Variants in PITPNM2 observed in about 807,000 individuals in gnomAD.
The protein encoded by PITPNM2 is phosphatidylinositol transfer protein membrane associated 2, also known as membrane-associated phosphatidylinositol transfer protein 2.
Under a neutral mutation model 132.2 loss-of-function variants are expected in PITPNM2, and 35 were observed. The ratio of observed to expected loss-of-function variants is 0.26; its 90% CI spans 0.20 to 0.35. PITPNM2 has a LOEUF of 0.35. Ranked by LOEUF, PITPNM2 falls within the 10% of genes least tolerant of loss-of-function variation. The probability of loss-of-function intolerance (pLI) is 1.00; values close to 1 mark genes in which losing one functional copy is unlikely to be tolerated. For missense variants in PITPNM2, 1,332 were observed against 1,912.0 expected (o/e 0.70, Z 5.66); for synonymous variants, 738 against 799.2 (o/e 0.92, Z 1.29).
intron 2 of PITPNM2, among the ~76,000 whole-genome samples, chr12:123,052,074 ATTGT>A (rs2040875089): frequency 3.7e-5 from 3 of 80,262 alleles, no homozygotes; most frequent in African/African-American, 9.4e-5. Flanking sequence ...GGTTAATTTT[ATTGT>A]TTTTTTTTTT....
intron 2 of PITPNM2, among the ~76,000 whole-genome samples, chr12:123,043,831 C>T (rs2040569052): frequency 6.6e-6 from 1 of 152,248 alleles, no homozygotes; most frequent in Non-Finnish European, 1.5e-5. Flanking sequence ...TTTATGACTC[C>T]TCCTCCCTGG....
chr12:123,148,956 G>GTT (rs1052137954), intron 1 of PITPNM2, among the ~76,000 whole-genome samples: 2 of 152,178 alleles, frequency 1.3e-5, no homozygotes, highest in African/African-American at 4.8e-5. Context: ...CCATGCCTTT[G>GTT]AAAGCCTCTA....
At chr12:123,055,707 T>A (rs1309469062) in intron 2 of PITPNM2, among the ~76,000 whole-genome samples, 1 of 152,118 alleles carries the variant, frequency 6.6e-6, no homozygotes, top group African/African-American at 2.4e-5. Context: ...GATCTTCCAT[T>A]CAGCTTCAAA....
At position 123,077,024 on chromosome 12, in the gene PITPNM2, T is replaced by G. The variant is rs1487320207; in HGVS notation, c.-96+33361A>C. ...GCTGCTGAGGGGTTAGCCTCACAGA[T>G]TCCCTCTGGGAAAGCCACTTAAGAG... On this transcript the variant is annotated intron_variant, in intron 2 of 25. Coordinates refer to ENST00000320201, the MANE Select transcript of PITPNM2 (RefSeq NM_020845.3). This position sits in a 1 kb window ranked among gnomAD's most constrained non-coding sequence, Gnocchi z 4.8. 6.6e-6 allele frequency among the ~76,000 whole-genome samples: 1 copy of G among 152,194 alleles called. No homozygotes were observed. The highest frequency in any genetic ancestry group is 2.4e-5 in the African/African-American group (1 of 41,446).
Position 123,012,754 on chromosome 12 carries a change from C to T in PITPNM2, c.294-20G>A. The T allele has an allele frequency of 6.2e-7, 1 of 1,612,944 alleles. No individual in the cohort carries two copies. On this transcript the variant is annotated intron_variant, in intron 4 of 25. Coordinates refer to ENST00000320201, the MANE Select transcript of PITPNM2 (RefSeq NM_020845.3). ...GTGAACCTGTGCGGAAAGGAAAGCA[C>T]TCATCAGGACCTGTCCTTGGAGAGG... is the stretch of plus-strand genomic sequence containing the variant.
chr12:123,147,736 A>G (rs774472490), intron 1 of PITPNM2, among the ~76,000 whole-genome samples: 12 of 152,206 alleles, frequency 7.9e-5, no homozygotes, highest in Admixed American at 2.6e-4. Flanking sequence ...AAAGAGCCAC[A>G]CATAGTGTGG....
At position 122,986,355 on chromosome 12, in the gene PITPNM2, G is replaced by A. The variant is rs77401880; in HGVS notation, c.3727-5C>T. ...CGCGTAGCCATCCGTGATGAACTGC[G>A]GGGTCAGTGAGGACGGCTGTCACAG... On this transcript the variant is annotated splice_region_variant and splice_polypyrimidine_tract_variant and intron_variant, in intron 25 of 25. Coordinates refer to ENST00000320201, the MANE Select transcript of PITPNM2 (RefSeq NM_020845.3). The A allele has an allele frequency of 7.0e-6, 11 of 1,582,498 alleles. No homozygotes were observed. Among genetic ancestry groups the A allele is most frequent in the South Asian group, 1.2e-5 (1 of 86,570 alleles).
In PITPNM2 at chr12:123,009,650, T is replaced by C. The variant is rs1327314723; in HGVS notation, c.643+200A>G. ...CTTGTCTCTGCAGATGCTCAGTAAG[T>C]ATTCATGGATGTTCAAGATAACCCA... On this transcript the variant is annotated intron_variant, in intron 6 of 25. Coordinates refer to ENST00000320201, the MANE Select transcript of PITPNM2 (RefSeq NM_020845.3). This position sits in a 1 kb window ranked among gnomAD's most constrained non-coding sequence, Gnocchi z 4.8. 6.6e-6 allele frequency among the ~76,000 whole-genome samples: 1 copy of C among 152,204 alleles called. No homozygotes were observed. Among genetic ancestry groups the C allele is most frequent in the African/African-American group, 2.4e-5 (1 of 41,436 alleles).
rs2039315226 is a variant in PITPNM2, at chr12:123,013,985, G to A, written c.136C>T (p.Arg46Trp). 7 of 1,614,232 alleles carry A rather than the reference G, an allele frequency of 4.3e-6. No individual in the cohort carries two copies. Among genetic ancestry groups the A allele is most frequent in the Non-Finnish European group, 5.1e-6 (6 of 1,180,050 alleles). ...CCGCCTGGGCCATCTGTGTACGGCCGGTTCTCCAGGATCTCCACGCCGCTG... is the reference window on the plus strand; with the variant it reads ...CCGCCTGGGCCATCTGTGTACGGCCAGTTCTCCAGGATCTCCACGCCGCTG... Reference protein sequence around the residue: ...EGSGVEILENRPYTDGPGGSG... With the variant: ...EGSGVEILENWPYTDGPGGSG... Residue 46 changes from arginine to tryptophan, a missense_variant, in exon 4 of 26, where the codon CGG (arginine) becomes TGG (tryptophan). Arg to Trp is a moderately radical substitution (Grantham distance 101). This residue lies in a region of PITPNM2 where 83 missense variants were observed against 118.7 expected (regional missense o/e 0.70). Coordinates refer to ENST00000320201, the MANE Select transcript of PITPNM2 (RefSeq NM_020845.3).
At position 122,990,732 on chromosome 12, in the gene PITPNM2, G is replaced by C. The variant is rs372983630; in HGVS notation, c.2405-23C>G. 5.1e-6 allele frequency: 8 copies of C among 1,583,058 alleles called. No homozygotes were observed. The African/African-American group carries it at 9.4e-5, about 19-fold the overall frequency. ...CCGCTGCAGGTGGACAGGGACCAGA[G>C]GCCAGGTAAGAGAGGCCCTGCCCAG... On this transcript the variant is annotated intron_variant, in intron 16 of 25. Coordinates refer to ENST00000320201, the MANE Select transcript of PITPNM2 (RefSeq NM_020845.3).
intron 2 of PITPNM2, chr12:123,087,997 T>C (rs1290718568): frequency 6.6e-6 from 1 of 152,228 alleles, no homozygotes; most frequent in Non-Finnish European, 1.5e-5. Flanking sequence ...AAAACACAAA[T>C]GAGATTATGC....
chr12:122,992,751 C>T lies in PITPNM2; in HGVS notation c.2234-82G>A, dbSNP rs755562642. The T allele has an allele frequency of 1.1e-5, 12 of 1,139,310 alleles. No individual in the cohort carries two copies. The highest frequency in any genetic ancestry group is 1.5e-5 in the Non-Finnish European group (12 of 805,364). 70.6% of individuals were successfully genotyped at this position (1,139,310 alleles called of 1,614,324 possible). On this transcript the variant is annotated intron_variant, in intron 15 of 25. Transcript: ENST00000320201. This position sits in a 1 kb window ranked among gnomAD's most constrained non-coding sequence, Gnocchi z 6.5. Reference sequence around the variant, plus strand: ...GGGTGGGAAATTTGGGAACTGGGCACTGGGTTGTCTGCTGAAAGTTAGGGA... The same window carrying T: ...GGGTGGGAAATTTGGGAACTGGGCATTGGGTTGTCTGCTGAAAGTTAGGGA...
At chr12:123,113,103 G>T (rs1248922840) in intron 1 of PITPNM2, among the ~76,000 whole-genome samples, 2 of 152,240 alleles carry the variant, frequency 1.3e-5, no homozygotes, top group African/African-American at 4.8e-5. Flanking sequence ...CCAGTTTGAT[G>T]GGGTGCCAGC....
chr12:123,069,210 G>A (rs1040839066), intron 2 of PITPNM2, among the ~76,000 whole-genome samples: 1 of 150,848 alleles, frequency 6.6e-6, no homozygotes, highest in Non-Finnish European at 1.5e-5. Flanking sequence ...TTGCACCACT[G>A]CACTCCAGCC....
intron 14 of PITPNM2, 97 bp from the exon 15 acceptor site, chr12:122,995,076 G>T: frequency 7.5e-7 from 1 of 1,335,856 alleles, no homozygotes; most frequent in East Asian, 2.5e-5. Flanking sequence ...TCTCTCGGGG[G>T]CCCACTGGCT....
chr12:123,037,468 C>A (rs999602066), intron 2 of PITPNM2, among the ~76,000 whole-genome samples: 4 of 152,198 alleles, frequency 2.6e-5, no homozygotes, highest in African/African-American at 7.2e-5. Context: ...GTGCAGCACC[C>A]ACTCCGCCTC....
intron 21 of PITPNM2, 28 bp downstream of exon 21, chr12:122,987,757 A>G: frequency 6.2e-7 from 1 of 1,613,482 alleles, no homozygotes; most frequent in Non-Finnish European, 8.5e-7. Context: ...AAGTCCCTCC[A>G]TGTTACCCCT....
At chr12:123,024,379 T>C (rs1189655016) in intron 3 of PITPNM2, among the ~76,000 whole-genome samples, 1 of 152,152 alleles carries the variant, frequency 6.6e-6, no homozygotes, top group East Asian at 1.9e-4. Context: ...CCTCAAAAAG[T>C]TAAACATAGA....
At position 122,986,099 on chromosome 12, in the gene PITPNM2, A is replaced by G. The variant is rs1186100948; in HGVS notation, c.3978T>C (p.Ser1326=). The G allele has an allele frequency of 1.0e-5, 15 of 1,459,666 alleles. No individual in the cohort carries two copies. In the South Asian group the frequency reaches 1.3e-4, roughly 13 times the overall value. The allele number at this position is 1,459,666 out of a possible 1,614,324, so 90.4% of individuals were successfully genotyped here. Reference sequence around the variant, plus strand: ...CGCGGCCCCAGCAGCCGGCCGCCACACTCATGCTGCGCTGGCCCCGCTGCT... The same window carrying G: ...CGCGGCCCCAGCAGCCGGCCGCCACGCTCATGCTGCGCTGGCCCCGCTGCT... ...DGEQRGQRSM[S]VAAGCWGRAM... is the part of the protein sequence containing the mutation. The change falls in exon 26 of 26, where the codon AGT becomes AGC. Residue 1326 remains serine, a synonymous_variant. Transcript: ENST00000320201.
Sources: gnomAD v4.1 joint callset for allele counts (sites outside exome capture counted in the v4.1 genomes callset) on GRCh38, gnomAD v4.1.1 for gene constraint, gnomAD v4.1.1 regional missense constraint, Gnocchi (gnomAD v3.1) non-coding constraint, MANE v1.5 for transcripts, NCBI Gene and HGNC (gene_info 2026-07-23, HGNC 2026-07-21) for gene names.